Variants in PLCB1 observed in about 807,000 individuals in gnomAD.
The protein encoded by PLCB1 is phospholipase C beta 1.
Under a neutral mutation model 161.8 loss-of-function variants are expected in PLCB1, and 46 were observed. The ratio of observed to expected loss-of-function variants is 0.28; its 90% confidence interval spans 0.22 to 0.36. PLCB1 has a LOEUF of 0.36. PLCB1 is among the 10% of genes least tolerant of loss of function. The pLI is 1.00. For synonymous variants in PLCB1, 517 were observed against 503.7 expected, an observed-to-expected ratio of 1.03 and a Z score of -0.35; for missense variants, 1,016 against 1,472.5, an observed-to-expected ratio of 0.69 and a Z score of 5.07.
At chr20:8,776,923 G>A (rs946060067) in intron 27 of PLCB1, among the ~76,000 whole-genome samples, 1 of 152,130 alleles carries the variant, frequency 6.6e-6, no homozygotes, top group African/African-American at 2.4e-5. Flanking sequence ...GATGCTTGGC[G>A]ATTTTAAATA....
In PLCB1 at chr20:8,757,146, C is replaced by A. The variant is rs1386644525; in HGVS notation, c.2624C>A (p.Pro875His). The change falls in exon 24 of 32, where the codon CCC becomes CAC. Residue 875 changes from proline to histidine, a missense_variant. Coordinates refer to ENST00000338037, the MANE Select transcript of PLCB1 (RefSeq NM_015192.4). ...NHTTTLTPKP[P>H]SQALHSQPAP... ...ACTACAACCCTGACACCCAAGCCACCCTCCCAGGCTCTCCACAGCCAGCCA... is the reference window on the plus strand; with the variant it reads ...ACTACAACCCTGACACCCAAGCCACACTCCCAGGCTCTCCACAGCCAGCCA... 1 of 1,612,864 alleles carries A rather than the reference C, an allele frequency of 6.2e-7. No homozygotes were observed. The highest frequency in any genetic ancestry group is 2.2e-5 in the East Asian group (1 of 44,860).
intron 2 of PLCB1, among the ~76,000 whole-genome samples, chr20:8,285,980 A>G (rs1983099550): frequency 6.6e-6 from 1 of 152,202 alleles, no homozygotes; most frequent in Non-Finnish European, 1.5e-5. Context: ...TTCATATAGT[A>G]GTCCATTGGT....
Position 8,542,796 on chromosome 20 carries a change from T to C in PLCB1, c.247-85498T>C, listed in dbSNP as rs151033264. Among the ~76,000 whole-genome samples the C allele has an allele frequency of 2.2e-4, 34 of 152,340 alleles. No individual in the cohort carries two copies. The East Asian group carries it at 6.4e-3, about 28-fold the overall frequency. Reference sequence around the variant, plus strand: ...CTTCGTTCAGATCAGGGAAGGAAACTGAAGCCGAGGGACGTTAATTGAATT... The same window carrying C: ...CTTCGTTCAGATCAGGGAAGGAAACCGAAGCCGAGGGACGTTAATTGAATT... On this transcript the variant is annotated intron_variant, in intron 3 of 31. Transcript: ENST00000338037.
intron 31 of PLCB1, among the ~76,000 whole-genome samples, chr20:8,835,074 TA>T (rs943753654): frequency 3.6e-4 from 55 of 152,264 alleles, no homozygotes; most frequent in African/African-American, 1.3e-3. Context: ...ATTGACCAAA[TA>T]TCTGCGCACT....
intron 12 of PLCB1, 94 bp downstream of exon 12, chr20:8,708,846 A>G (rs1266264354): frequency 4.0e-6 from 3 of 749,858 alleles, no homozygotes; most frequent in African/African-American, 3.5e-5. Flanking sequence ...GACATGATTA[A>G]TGGTGTTCTT....
chr20:8,802,523 A>T (rs981769247), intron 31 of PLCB1: 3 of 215,212 alleles, frequency 1.4e-5, no homozygotes, highest in East Asian at 1.2e-4. Flanking sequence ...CTTTGGAAAC[A>T]TTTTTTTTTC....
chr20:8,701,177 T>C (rs935984819), intron 11 of PLCB1, among the ~76,000 whole-genome samples: 1 of 152,140 alleles, frequency 6.6e-6, no homozygotes, highest in Non-Finnish European at 1.5e-5. Context: ...TAAAGTGACT[T>C]TGTAATAAGA....
intron 3 of PLCB1, among the ~76,000 whole-genome samples, chr20:8,602,885 G>T (rs1224943749): frequency 6.6e-6 from 1 of 152,222 alleles, no homozygotes; most frequent in East Asian, 1.9e-4. Context: ...ATGTTTGAAG[G>T]AGAGCTGGTG....
intron 2 of PLCB1, among the ~76,000 whole-genome samples, chr20:8,214,763 A>G (rs2123150904): frequency 6.6e-6 from 1 of 152,198 alleles, no homozygotes; most frequent in South Asian, 2.1e-4. Context: ...CGAGTTGCCC[A>G]TAAGGAATCG....
At chr20:8,290,458 C>T (rs892493167) in intron 2 of PLCB1, among the ~76,000 whole-genome samples, 2 of 152,160 alleles carry the variant, frequency 1.3e-5, no homozygotes, top group Admixed American at 6.5e-5. Context: ...CAGGTTCACA[C>T]TTAGGTTTTA....
At chr20:8,192,615 A>T (rs1230442915) in intron 2 of PLCB1, among the ~76,000 whole-genome samples, 2 of 151,956 alleles carry the variant, frequency 1.3e-5, no homozygotes, top group South Asian at 2.1e-4. Context: ...GACTGTACTC[A>T]TATCACTGTA....
chr20:8,784,705 G>C (rs1013039075), intron 27 of PLCB1, among the ~76,000 whole-genome samples: 1 of 152,100 alleles, frequency 6.6e-6, no homozygotes, highest in African/African-American at 2.4e-5. Context: ...TATACTCCTT[G>C]GGATTCTAGG....
rs147232878 is a variant in PLCB1 at position 8,330,382 on chromosome 20, C to T, written c.178-41000C>T. On this transcript the variant is annotated intron_variant, in intron 2 of 31. Coordinates refer to ENST00000338037, the MANE Select transcript of PLCB1 (RefSeq NM_015192.4). ...GGGTTTAACCCAGGCAGTCAGATTG[C>T]ATATAAACACTCAAGAAGCTGCATT... 2.3e-3 allele frequency among the ~76,000 whole-genome samples: 353 copies of T among 152,272 alleles called. 1 individual carries two copies. Among genetic ancestry groups the T allele is most frequent in the African/African-American group, 8.0e-3 (334 of 41,544 alleles).
At chr20:8,662,224 A>ATAATTCTATATTATATATAATTATTATC (rs1989677712) in intron 9 of PLCB1, among the ~76,000 whole-genome samples, 1 of 110,610 alleles carries the variant, frequency 9.0e-6, no homozygotes, top group Non-Finnish European at 1.7e-5. Flanking sequence ...TAATTATTAT[A>ATAATTCTATATTATATATAATTATTATC]TAATTCTATA....
chr20:8,747,453 T>A (rs768560297), intron 23 of PLCB1, among the ~76,000 whole-genome samples: 9 of 152,206 alleles, frequency 5.9e-5, no homozygotes, highest in Non-Finnish European at 1.3e-4. Flanking sequence ...GTCTGTTTCA[T>A]CCTGCAAGTG....
intron 31 of PLCB1, among the ~76,000 whole-genome samples, chr20:8,798,195 TC>T (rs1373024860): frequency 5.2e-5 from 7 of 134,160 alleles, no homozygotes; most frequent in African/African-American, 2.1e-4. Flanking sequence ...AGACTCTATA[TC>T]GAAAAAAAAA....
chr20:8,772,509 C>T (rs181584321), intron 26 of PLCB1, among the ~76,000 whole-genome samples: 5 of 152,196 alleles, frequency 3.3e-5, no homozygotes, highest in East Asian at 3.9e-4. Flanking sequence ...ATGGGTATAC[C>T]GACTTACTCG....
chr20:8,467,823 G>A lies in PLCB1; in HGVS notation c.246+96373G>A, dbSNP rs987743922. ...ACTTTCAGTGATTGACACATCCAAG[G>A]CTTCTTATTTAGTTGTTCTTCAACT... On this transcript the variant is annotated intron_variant, in intron 3 of 31. Coordinates refer to ENST00000338037, the MANE Select transcript of PLCB1 (RefSeq NM_015192.4). 2.0e-5 allele frequency among the ~76,000 whole-genome samples: 3 copies of A among 152,106 alleles called. No homozygotes were observed. In the South Asian group the frequency reaches 6.2e-4, roughly 31 times the overall value.
intron 2 of PLCB1, among the ~76,000 whole-genome samples, chr20:8,215,559 G>A (rs545716571): frequency 1.3e-5 from 2 of 151,990 alleles, no homozygotes; most frequent in African/African-American, 2.4e-5. Context: ...CTTGGAGCAC[G>A]ACAGCCAGAG....
Sources: gnomAD v4.1 joint callset for allele counts (sites outside exome capture counted in the v4.1 genomes callset) on GRCh38, gnomAD v4.1.1 for gene constraint, MANE v1.5 for transcripts, NCBI Gene and HGNC (gene_info 2026-07-23, HGNC 2026-07-21) for gene names.